Variants in RALYL observed in about 807,000 individuals in gnomAD.
The protein encoded by RALYL is RALY RNA binding protein like.
A neutral mutation model predicts 35.1 loss-of-function variants in RALYL; 29 were observed. The ratio of observed to expected loss-of-function variants is 0.83; its 90% confidence interval spans 0.61 to 1.13. The LOEUF is 1.13. Among genes scored for constraint, RALYL ranks in the 50% most tolerant of loss-of-function variants. The probability of loss-of-function intolerance (pLI) is 0.00; values close to 1 mark genes in which losing one functional copy is unlikely to be tolerated. For missense variants in RALYL, 359 were observed against 360.4 expected (o/e 1.00, Z 0.03); for synonymous variants, 120 against 127.6 (o/e 0.94, Z 0.40).
At chr8:84,731,350 G>A (rs1017945123) in intron 2 of RALYL, among the ~76,000 whole-genome samples, 2 of 152,106 alleles carry the variant, frequency 1.3e-5, no homozygotes, top group Admixed American at 1.3e-4. Flanking sequence ...AAGGATCAGA[G>A]AAGTATTTTA....
chr8:84,300,854 C>A (rs545981038), intron 1 of RALYL, among the ~76,000 whole-genome samples: 1 of 151,844 alleles, frequency 6.6e-6, no homozygotes, highest in Non-Finnish European at 1.5e-5. Flanking sequence ...GCCAGCATAC[C>A]TTTTAAGTGG....
intron 2 of RALYL, among the ~76,000 whole-genome samples, chr8:84,749,020 C>G (rs1274539260): frequency 6.6e-6 from 1 of 152,046 alleles, no homozygotes. Context: ...TCTGTAATGG[C>G]AGCAGCACTA....
chr8:84,654,310 T>TATATATATAC (rs1554766145), intron 2 of RALYL, among the ~76,000 whole-genome samples: 23 of 134,722 alleles, frequency 1.7e-4, no homozygotes, highest in African/African-American at 5.2e-4. Flanking sequence ...TATATATATA[T>TATATATATAC]ATATCATGTA....
intron 1 of RALYL, among the ~76,000 whole-genome samples, chr8:84,380,963 T>C (rs768511781): frequency 2.0e-5 from 3 of 151,748 alleles, no homozygotes; most frequent in Non-Finnish European, 4.4e-5. Flanking sequence ...GTGGAGGGTG[T>C]GATTGTGTTC....
intron 1 of RALYL, among the ~76,000 whole-genome samples, chr8:84,468,805 T>A (rs2052187650): frequency 6.6e-6 from 1 of 152,180 alleles, no homozygotes; most frequent in Admixed American, 6.5e-5. Context: ...TTTGGTCTTT[T>A]CACATAGTCC....
At chr8:84,912,974 C>T (rs1946400) in intron 8 of RALYL, among the ~76,000 whole-genome samples, 45,552 of 149,998 alleles carry the variant, frequency 0.3, 7,447 homozygotes, top group East Asian at 0.61. Context: ...ATGTACAGTG[C>T]AGACCCAGGA....
chr8:84,637,656 T>G (rs1825359302), intron 2 of RALYL, among the ~76,000 whole-genome samples: 1 of 151,862 alleles, frequency 6.6e-6, no homozygotes, highest in South Asian at 2.1e-4. Context: ...AGGTACTCAG[T>G]ACAAGGTCTG....
intron 2 of RALYL, among the ~76,000 whole-genome samples, chr8:84,687,801 C>G (rs554204431): frequency 6.6e-6 from 1 of 151,964 alleles, no homozygotes; most frequent in East Asian, 1.9e-4. Flanking sequence ...ATCTTGAAGA[C>G]AGTTGTGTCA....
chr8:84,396,853 C>G (rs1365647480), intron 1 of RALYL, among the ~76,000 whole-genome samples: 2 of 152,078 alleles, frequency 1.3e-5, no homozygotes, highest in Non-Finnish European at 2.9e-5. Context: ...GGCCTAACAT[C>G]TAATATGTAA....
chr8:84,745,056 C>A (rs1320221311), intron 2 of RALYL, among the ~76,000 whole-genome samples: 1 of 145,874 alleles, frequency 6.9e-6, no homozygotes, highest in Non-Finnish European at 1.5e-5. Context: ...CACCCCACTC[C>A]CAAAACAAAC....
At chr8:84,390,092 T>C (rs1389324492) in intron 1 of RALYL, among the ~76,000 whole-genome samples, 2 of 151,670 alleles carry the variant, frequency 1.3e-5, no homozygotes, top group African/African-American at 4.9e-5. Flanking sequence ...TCTGCATCAA[T>C]TGAGATAATC....
intron 2 of RALYL, among the ~76,000 whole-genome samples, chr8:84,567,128 C>T (rs989405939): frequency 6.6e-6 from 1 of 151,734 alleles, no homozygotes; most frequent in African/African-American, 2.4e-5. Context: ...TCTATAAATT[C>T]TGATCATTAA....
chr8:84,359,870 A>C (rs1360860981), intron 1 of RALYL, among the ~76,000 whole-genome samples: 1 of 150,604 alleles, frequency 6.6e-6, no homozygotes, highest in African/African-American at 2.4e-5. Flanking sequence ...AATACAATTA[A>C]AAATATCATG....
At chr8:84,861,594 C>G (rs886840936) in intron 5 of RALYL, among the ~76,000 whole-genome samples, 1 of 151,580 alleles carries the variant, frequency 6.6e-6, no homozygotes, top group Non-Finnish European at 1.5e-5. Context: ...GCAAATCTAA[C>G]AAATGGTCAG....
intron 7 of RALYL, among the ~76,000 whole-genome samples, chr8:84,879,580 G>A (rs1841819725): frequency 6.6e-6 from 1 of 152,024 alleles, no homozygotes; most frequent in South Asian, 2.1e-4. Context: ...TCGAGAAGTA[G>A]CAATATAAAC....
chr8:84,191,489 T>C (rs1050740445), intron 1 of RALYL, among the ~76,000 whole-genome samples: 2 of 152,164 alleles, frequency 1.3e-5, no homozygotes, highest in East Asian at 1.9e-4. Context: ...TCATTCCCCA[T>C]TCAAGAGGAC....
chr8:84,629,397 G>C (rs28490447), intron 2 of RALYL, among the ~76,000 whole-genome samples: 20,009 of 152,060 alleles, frequency 0.13, 1,847 homozygotes, highest in Non-Finnish European at 0.19. Flanking sequence ...CTGAGACTTA[G>C]ATACTACTTC....
At chr8:84,850,119 AT>A (rs1240316744) in intron 5 of RALYL, 92 bp downstream of exon 5, 35 of 586,400 alleles carry the variant, frequency 6.0e-5, no homozygotes, top group Non-Finnish European at 9.8e-5. Flanking sequence ...TAATTATGGT[AT>A]TTAAAACAAT....
chr8:84,898,139 A>C (rs538634240), intron 8 of RALYL, among the ~76,000 whole-genome samples: 1 of 152,186 alleles, frequency 6.6e-6, no homozygotes, highest in South Asian at 2.1e-4. Context: ...AACTCAGAGG[A>C]TGGCCCAGAA....
Sources: allele counts gnomAD v4.1 joint callset (sites outside exome capture counted in the v4.1 genomes callset), GRCh38; gene constraint gnomAD v4.1.1; transcripts MANE v1.5; gene names NCBI Gene and HGNC (gene_info 2026-07-23, HGNC 2026-07-21).